Variants in MAF observed in about 807,000 individuals in gnomAD.
MAF encodes transcription factor Maf.
MAF carries 10 observed loss-of-function variants against 22.0 expected under a neutral mutation model. The observed-to-expected ratio is 0.45, with a 90% CI of 0.28 to 0.77. The LOEUF (loss-of-function observed/expected upper bound fraction) is 0.77, where lower values mean the gene tolerates loss of function less well. MAF is among the 30% of genes least tolerant of loss of function. The pLI, the probability that MAF is intolerant of heterozygous loss-of-function variation, is 0.12. For missense variants in MAF, 544 were observed against 548.4 expected, an observed-to-expected ratio of 0.99 and a Z score of 0.08; for synonymous variants, 337 against 255.8, an observed-to-expected ratio of 1.32 and a Z score of -3.03.
the MAF span, among the ~76,000 whole-genome samples, chr16:79,410,464 T>C: frequency 6.6e-6 from 1 of 152,262 alleles, no homozygotes; most frequent in South Asian, 2.1e-4. Flanking sequence ...CAGAAGATCA[T>C]TTCCTATTCA....
chr16:79,521,273 C>A, the MAF span, among the ~76,000 whole-genome samples: 1 of 152,206 alleles, frequency 6.6e-6, no homozygotes, highest in Non-Finnish European at 1.5e-5. Flanking sequence ...ATCTTAATGG[C>A]ACCCCAAGGG....
chr16:79,541,996 G>A, the MAF span, among the ~76,000 whole-genome samples: 1 of 152,106 alleles, frequency 6.6e-6, no homozygotes, highest in Non-Finnish European at 1.5e-5. Context: ...GGTTCAGATT[G>A]TGGCATTTGC....
At chr16:79,416,021 G>A in the MAF span, among the ~76,000 whole-genome samples, 19 of 152,160 alleles carry the variant, frequency 1.2e-4, no homozygotes, top group East Asian at 1.9e-3. Context: ...GCAAAGTGCC[G>A]TGTGTCTGGT....
chr16:79,211,513 G>A, the MAF span: 13 of 1,515,552 alleles, frequency 8.6e-6, no homozygotes, highest in South Asian at 4.6e-5. Flanking sequence ...TGAACCAGGT[G>A]GGGGAGGCCT....
At chr16:79,544,479 A>C in the MAF span, among the ~76,000 whole-genome samples, 1 of 152,046 alleles carries the variant, frequency 6.6e-6, no homozygotes, top group Non-Finnish European at 1.5e-5. Context: ...TTTTCCTATA[A>C]AAATGTAAAT....
chr16:79,312,333 T>C, the MAF span, among the ~76,000 whole-genome samples: 1 of 152,166 alleles, frequency 6.6e-6, no homozygotes, highest in Non-Finnish European at 1.5e-5. Flanking sequence ...CATTGATGGG[T>C]CACTGCAAGC....
At chr16:79,211,487 A>G in the MAF span, 11 of 1,300,730 alleles carry the variant, frequency 8.5e-6, no homozygotes, top group South Asian at 7.5e-5. Flanking sequence ...TTGCTATGCC[A>G]AGATCCAGCT....
chr16:79,501,649 G>A, the MAF span, among the ~76,000 whole-genome samples: 1 of 152,110 alleles, frequency 6.6e-6, no homozygotes, highest in Non-Finnish European at 1.5e-5. Flanking sequence ...TATGCTGACT[G>A]TCAAAATTAC....
At chr16:79,306,392 G>C in the MAF span, among the ~76,000 whole-genome samples, 2 of 152,182 alleles carry the variant, frequency 1.3e-5, no homozygotes, top group Non-Finnish European at 2.9e-5. Context: ...CACATGTATG[G>C]AGTGCCTACA....
the MAF span, among the ~76,000 whole-genome samples, chr16:79,401,920 G>A: frequency 2.3e-4 from 35 of 152,144 alleles, no homozygotes; most frequent in Non-Finnish European, 1.3e-4. Context: ...CCATCAGTCA[G>A]CTCATTTAAT....
chr16:79,502,664 T>C, the MAF span, among the ~76,000 whole-genome samples: 3 of 138,002 alleles, frequency 2.2e-5, no homozygotes, highest in South Asian at 4.5e-4. Flanking sequence ...AGACCTTGTC[T>C]CCAAAAATAA....
chr16:79,403,565 A>C, the MAF span, among the ~76,000 whole-genome samples: 1 of 151,344 alleles, frequency 6.6e-6, no homozygotes, highest in East Asian at 1.9e-4. Context: ...CCTTAATGCC[A>C]CTCTTTAGGT....
At chr16:79,409,091 C>G in the MAF span, among the ~76,000 whole-genome samples, 1 of 151,838 alleles carries the variant, frequency 6.6e-6, no homozygotes, top group Non-Finnish European at 1.5e-5. Flanking sequence ...TGTAGCAGGA[C>G]GGCATTGGAA....
chr16:79,269,622 C>T, the MAF span, among the ~76,000 whole-genome samples: 369 of 152,222 alleles, frequency 2.4e-3, 3 homozygotes, highest in South Asian at 0.015. Flanking sequence ...TCTGAAACTC[C>T]GGTGAACTTC....
At chr16:79,509,371 C>T in the MAF span, among the ~76,000 whole-genome samples, 1 of 152,216 alleles carries the variant, frequency 6.6e-6, no homozygotes, top group Non-Finnish European at 1.5e-5. Context: ...GGGGCACATT[C>T]CCCACATCCA....
At chr16:79,269,146 C>T in the MAF span, among the ~76,000 whole-genome samples, 1 of 152,176 alleles carries the variant, frequency 6.6e-6, no homozygotes, top group Admixed American at 6.5e-5. Context: ...GAACTGTTTA[C>T]CACCCAAGAT....
At chr16:79,386,557 G>C in the MAF span, among the ~76,000 whole-genome samples, 4 of 152,126 alleles carry the variant, frequency 2.6e-5, no homozygotes, top group Admixed American at 2.0e-4. Flanking sequence ...GGCCTGGCTC[G>C]TAACAGGCCA....
the MAF span, among the ~76,000 whole-genome samples, chr16:79,303,366 G>T: frequency 2.6e-5 from 4 of 152,352 alleles, no homozygotes; most frequent in Non-Finnish European, 4.4e-5. Flanking sequence ...AGCCTGGCAT[G>T]GGATTGCAGT....
the MAF span, among the ~76,000 whole-genome samples, chr16:79,238,837 T>C: frequency 6.6e-5 from 10 of 151,956 alleles, no homozygotes; most frequent in South Asian, 1.0e-3. Flanking sequence ...TTGGGGGATA[T>C]AGGATTTGAA....
Sources: gnomAD v4.1 joint callset for allele counts (sites outside exome capture counted in the v4.1 genomes callset) on GRCh38, gnomAD v4.1.1 for gene constraint, MANE v1.5 for transcripts, NCBI Gene and HGNC (gene_info 2026-07-23, HGNC 2026-07-21) for gene names.